The following SEMA6D variants were observed in gnomAD, a reference collection of about 807,000 sequenced individuals.
SEMA6D encodes the protein semaphorin-6D.
A neutral mutation model predicts 106.6 loss-of-function variants in SEMA6D; 35 were observed. That is an observed-to-expected ratio of 0.33 (90% CI 0.25 to 0.44). SEMA6D has a LOEUF of 0.44. Among genes scored for constraint, SEMA6D ranks in the 20% least tolerant of loss-of-function variants. The pLI, the probability that SEMA6D is intolerant of heterozygous loss-of-function variation, is 1.00. For synonymous variants in SEMA6D, 499 were observed against 487.7 expected, an observed-to-expected ratio of 1.02 and a Z score of -0.31; for missense variants, 1,185 against 1,345.9, an observed-to-expected ratio of 0.88 and a Z score of 1.87.
chr15:47,512,071 T>C (rs181578044), intron 3 of SEMA6D, among the ~76,000 whole-genome samples: 69 of 152,336 alleles, frequency 4.5e-4, no homozygotes, highest in African/African-American at 1.5e-3. Context: ...TATTGAACTT[T>C]TAGTCAACAT....
At chr15:47,598,200 G>A (rs1038708207) in intron 3 of SEMA6D, among the ~76,000 whole-genome samples, 6 of 152,002 alleles carry the variant, frequency 3.9e-5, no homozygotes, top group Non-Finnish European at 8.8e-5. Context: ...CAAACTGTAT[G>A]TCTATTGGAA....
chr15:47,717,229 G>A (rs2079142430), upstream of SEMA6D: 1 of 152,384 alleles, frequency 6.6e-6, no homozygotes, highest in Admixed American at 6.5e-5. Context: ...GTGCGCAGCA[G>A]AGCGCCGGAG....
intron 2 of SEMA6D, among the ~76,000 whole-genome samples, chr15:47,465,685 C>T (rs1318903172): frequency 2.0e-5 from 3 of 152,136 alleles, no homozygotes; most frequent in Non-Finnish European, 4.4e-5. Context: ...CTTCCTCCTT[C>T]TCCTGCCATG....
intron 4 of SEMA6D, among the ~76,000 whole-genome samples, chr15:47,657,938 C>T (rs1366085344): frequency 2.0e-5 from 3 of 151,274 alleles, no homozygotes; most frequent in South Asian, 2.1e-4. Context: ...GACGGGGTTT[C>T]GCCTTGTTAG....
chr15:47,298,962 A>G (rs2035913072), intron 1 of SEMA6D, among the ~76,000 whole-genome samples: 1 of 152,148 alleles, frequency 6.6e-6, no homozygotes, highest in Non-Finnish European at 1.5e-5. Flanking sequence ...ATTCTCCATT[A>G]TCCCCATTTT....
chr15:47,298,220 A>C (rs1249596343), intron 1 of SEMA6D, among the ~76,000 whole-genome samples: 1 of 152,100 alleles, frequency 6.6e-6, no homozygotes, highest in Non-Finnish European at 1.5e-5. Context: ...TGGGAATAGG[A>C]CTGTACCTGC....
At chr15:47,643,137 T>C (rs1025710147) in intron 4 of SEMA6D, among the ~76,000 whole-genome samples, 2 of 152,202 alleles carry the variant, frequency 1.3e-5, no homozygotes, top group Non-Finnish European at 2.9e-5. Context: ...ATGTCTTATA[T>C]GTGAGATGTC....
At chr15:47,756,029 T>G (rs563421681) in intron 1 of SEMA6D, among the ~76,000 whole-genome samples, 69 of 152,036 alleles carry the variant, frequency 4.5e-4, no homozygotes, top group Admixed American at 2.6e-4. Context: ...ATTAAGAGCT[T>G]TCCTCATCAT....
intron 1 of SEMA6D, among the ~76,000 whole-genome samples, chr15:47,385,947 T>C (rs1301236807): frequency 2.0e-5 from 3 of 152,218 alleles, no homozygotes; most frequent in African/African-American, 4.8e-5. Context: ...TAACACTAAC[T>C]AGTTGTGCAG....
chr15:47,414,531 T>A (rs1233877768), intron 2 of SEMA6D, among the ~76,000 whole-genome samples: 1 of 152,184 alleles, frequency 6.6e-6, no homozygotes, highest in Non-Finnish European at 1.5e-5. Flanking sequence ...ACAACTCACA[T>A]CTGGACCACA....
intron 4 of SEMA6D, among the ~76,000 whole-genome samples, chr15:47,632,037 T>C (rs982332647): frequency 6.6e-6 from 1 of 151,996 alleles, no homozygotes; most frequent in Non-Finnish European, 1.5e-5. Flanking sequence ...ACTTTCACTT[T>C]GACCATGGGT....
chr15:47,773,803 TCCA>T lies in SEMA6D; in HGVS notation c.*2022_*2024del, dbSNP rs1453493828. The T allele has an allele frequency of 2.6e-5, 4 of 152,614 alleles. No individual in the cohort carries two copies. The highest frequency in any genetic ancestry group is 5.9e-5 in the Non-Finnish European group (4 of 68,040). The allele number at this position is 152,614 out of a possible 1,614,324, so 9.5% of individuals were successfully genotyped here. ...CCAACCAATGATAAACACTACTCAG[TCCA>T]CCAACAACAAACGTGTTTGAATTCA... On this transcript the variant is annotated 3_prime_UTR_variant, in exon 19 of 19. Coordinates refer to ENST00000536845, the MANE Select transcript of SEMA6D (RefSeq NM_001358351.3).
At chr15:47,748,556 G>T (rs2147254759) in intron 1 of SEMA6D, among the ~76,000 whole-genome samples, 1 of 152,352 alleles carries the variant, frequency 6.6e-6, no homozygotes, top group African/African-American at 2.4e-5. Flanking sequence ...CAGTGTGGCT[G>T]AAGAGGGAAG....
Position 47,339,860 on chromosome 15 carries a change from AACAGAAAG to A in SEMA6D, c.-238-72531_-238-72524del, listed in dbSNP as rs546729560. On this transcript the variant is annotated intron_variant, in intron 1 of 19. Transcript: ENST00000558014. Reference sequence around the variant, plus strand: ...GACAGAGTGAGACCCTGTCTCCAAAAACAGAAAGAAAGAAGGAAAGAGAGAGAGAAAGA... The same window carrying A: ...GACAGAGTGAGACCCTGTCTCCAAAAAAAGAAGGAAAGAGAGAGAGAAAGA... Among the ~76,000 whole-genome samples, 586 of 152,144 alleles carry A rather than the reference AACAGAAAG, an allele frequency of 3.9e-3. 2 individuals carry two copies. The highest frequency in any genetic ancestry group is 4.0e-3 in the Non-Finnish European group (275 of 68,004).
intron 4 of SEMA6D, among the ~76,000 whole-genome samples, chr15:47,607,154 T>G (rs191573297): frequency 6.6e-6 from 1 of 152,344 alleles, no homozygotes; most frequent in Admixed American, 6.5e-5. Context: ...GGAATATGTT[T>G]AGTAGATTTG....
At chr15:47,741,389 G>A (rs2080804636) in intron 1 of SEMA6D, among the ~76,000 whole-genome samples, 1 of 152,146 alleles carries the variant, frequency 6.6e-6, no homozygotes, top group African/African-American at 2.4e-5. Context: ...TGACATCTAC[G>A]TATTAAACCT....
At chr15:47,471,229 T>C (rs568923299) in intron 3 of SEMA6D, among the ~76,000 whole-genome samples, 3 of 152,302 alleles carry the variant, frequency 2.0e-5, no homozygotes, top group South Asian at 4.1e-4. Context: ...TTTGCTTTTA[T>C]AGACTCTGAG....
intron 3 of SEMA6D, among the ~76,000 whole-genome samples, chr15:47,571,081 C>G (rs1293479780): frequency 6.6e-6 from 1 of 152,084 alleles, no homozygotes. Context: ...CTCCCCTCCC[C>G]ACTCTTCTCC....
Position 47,594,790 on chromosome 15 carries a change from T to C in SEMA6D, c.-86-6075T>C, listed in dbSNP as rs1035671052. Among the ~76,000 whole-genome samples the C allele has an allele frequency of 3.9e-5, 6 of 152,134 alleles. No homozygotes were observed. The East Asian group carries it at 9.6e-4, about 24-fold the overall frequency. ...AAGGAAGTAACCCAGTTTAGGAAGA[T>C]TGAGAAAGGCTCCATAGAAATAGTG... On this transcript the variant is annotated intron_variant, in intron 3 of 19. Coordinates refer to the SEMA6D transcript ENST00000558014.
Sources: gnomAD v4.1 joint callset for allele counts (sites outside exome capture counted in the v4.1 genomes callset) on GRCh38, gnomAD v4.1.1 for gene constraint, MANE v1.5 for transcripts, NCBI Gene and HGNC (gene_info 2026-07-23, HGNC 2026-07-21) for gene names.